NDUFA5: variants seen among roughly 807,000 people sequenced by gnomAD.
NDUFA5 encodes NADH dehydrogenase [ubiquinone] 1 alpha subcomplex subunit 5.
Under a neutral mutation model 19.8 loss-of-function variants are expected in NDUFA5, and 11 were observed. The observed-to-expected ratio is 0.56, with a 90% CI of 0.35 to 0.92. The LOEUF (loss-of-function observed/expected upper bound fraction) is 0.92. Ranked by LOEUF, NDUFA5 falls within the 40% of genes least tolerant of loss-of-function variation. The pLI is 0.01. For synonymous variants in NDUFA5, 47 were observed against 46.8 expected (o/e 1.00, Z -0.01); for missense variants, 109 against 134.2 (o/e 0.81, Z 0.93).
rs1269915299 is a variant in NDUFA5, at chr7:123,539,322, T to G, written c.*2797A>C. ...ATGATAAATTATCCTATAGTTATCC[T>G]AAATATAAGCCATTTTCATCCCAAA... On this transcript the variant is annotated 3_prime_UTR_variant, in exon 5 of 5. Coordinates refer to ENST00000355749, the MANE Select transcript of NDUFA5 (RefSeq NM_005000.5). The G allele has an allele frequency of 6.6e-6, 1 of 152,206 alleles. No individual in the cohort carries two copies. The highest frequency in any genetic ancestry group is 2.4e-5 in the African/African-American group (1 of 41,452). The allele number at this position is 152,206 out of a possible 1,614,324, so 9.4% of individuals were successfully genotyped here.
chr7:123,544,656 C>A (rs1525632), intron 4 of NDUFA5, among the ~76,000 whole-genome samples: 151,405 of 151,444 alleles, frequency 1, 75,683 homozygotes, highest in Middle Eastern at 1. Flanking sequence ...TATAAATAAC[C>A]CAGACTAAAT....
the NDUFA5 span, among the ~76,000 whole-genome samples, chr7:123,587,458 T>G: frequency 1.3e-5 from 2 of 148,226 alleles, no homozygotes; most frequent in Non-Finnish European, 3.0e-5. Flanking sequence ...GTCTTTGAGG[T>G]TTTTTTTTTA....
intron 2 of NDUFA5, chr7:123,556,554 G>A: frequency 5.3e-6 from 1 of 189,468 alleles, no homozygotes; most frequent in South Asian, 9.2e-5. Context: ...GAGACTGGGG[G>A]AGTCCTGAAG....
At chr7:123,567,006 T>C in the NDUFA5 span, 3 of 152,216 alleles carry the variant, frequency 2.0e-5, no homozygotes, top group Non-Finnish European at 4.4e-5. Flanking sequence ...TGTTGATTTG[T>C]TGTAACCCTG....
At chr7:123,551,148 A>G (rs1695224040) in intron 2 of NDUFA5, among the ~76,000 whole-genome samples, 1 of 151,694 alleles carries the variant, frequency 6.6e-6, no homozygotes. Context: ...AAACAAAACA[A>G]CTTATTGCTA....
At chr7:123,600,067 A>C in the NDUFA5 span, among the ~76,000 whole-genome samples, 5 of 152,196 alleles carry the variant, frequency 3.3e-5, no homozygotes, top group African/African-American at 1.2e-4. Flanking sequence ...TTGTGTGTGC[A>C]TAGATGACTA....
In NDUFA5 at chr7:123,538,980, A is replaced by G. The variant is rs898122794; in HGVS notation, c.*3139T>C. 3 of 152,258 alleles carry G rather than the reference A, an allele frequency of 2.0e-5. No homozygotes were observed. Among genetic ancestry groups the G allele is most frequent in the Non-Finnish European group, 2.9e-5 (2 of 68,052 alleles). The allele number at this position is 152,258 out of a possible 1,614,324, so 9.4% of individuals were successfully genotyped here. The stretch of plus-strand genomic sequence containing the variant: ...TCCTCTGAATGTGATTAGAAAATTG[A>G]CAATAAAATATAAGCTCTCTTTTCT... On this transcript the variant is annotated 3_prime_UTR_variant, in exon 5 of 5. Coordinates refer to ENST00000355749, the MANE Select transcript of NDUFA5 (RefSeq NM_005000.5).
chr7:123,573,252 C>T, the NDUFA5 span, among the ~76,000 whole-genome samples: 11 of 150,240 alleles, frequency 7.3e-5, no homozygotes, highest in African/African-American at 9.8e-5. Flanking sequence ...GCTTCCCCCC[C>T]GCCTCCCCAT....
At chr7:123,593,368 G>A in the NDUFA5 span, among the ~76,000 whole-genome samples, 7 of 152,006 alleles carry the variant, frequency 4.6e-5, no homozygotes, top group African/African-American at 1.2e-4. Context: ...TCACAGCCTC[G>A]ATGGTCTTTA....
chr7:123,553,788 G>A (rs1379839495), intron 2 of NDUFA5, among the ~76,000 whole-genome samples: 1 of 152,040 alleles, frequency 6.6e-6, no homozygotes, highest in Non-Finnish European at 1.5e-5. Flanking sequence ...GCCTCATAGG[G>A]TATATACAAC....
In NDUFA5 at chr7:123,557,161, T is replaced by C. The variant is rs146900834; in HGVS notation, c.66+243A>G. ...ACAGAAGCAAGCACAAGTGAAGCCA[T>C]GAAAATGTCAAGGAAAAAGTCAACA... On this transcript the variant is annotated intron_variant, in intron 2 of 4. Coordinates refer to ENST00000355749, the MANE Select transcript of NDUFA5 (RefSeq NM_005000.5). The C allele has an allele frequency of 1.0e-3, 713 of 686,512 alleles. 4 individuals carry two copies. The African/African-American group carries it at 0.011, about 11-fold the overall frequency. The allele number at this position is 686,512 out of a possible 1,614,324, so 42.5% of individuals were successfully genotyped here.
the NDUFA5 span, among the ~76,000 whole-genome samples, chr7:123,580,539 A>G: frequency 6.6e-6 from 1 of 152,058 alleles, no homozygotes; most frequent in African/African-American, 2.4e-5. Context: ...TATGACACCT[A>G]CTTTGCAAGA....
intron 3 of NDUFA5, chr7:123,546,824 A>T (rs528759100): frequency 3.4e-5 from 20 of 579,990 alleles, no homozygotes; most frequent in African/African-American, 1.7e-4. Flanking sequence ...TAGGCTGAAA[A>T]ATACCACAAA....
At chr7:123,581,298 G>T in the NDUFA5 span, among the ~76,000 whole-genome samples, 1 of 151,002 alleles carries the variant, frequency 6.6e-6, no homozygotes, top group Non-Finnish European at 1.5e-5. Flanking sequence ...AATTCAAAAC[G>T]AGTCTATCAT....
the NDUFA5 span, among the ~76,000 whole-genome samples, chr7:123,577,659 C>T: frequency 6.6e-6 from 1 of 152,072 alleles, no homozygotes; most frequent in Non-Finnish European, 1.5e-5. Flanking sequence ...ACATAGCAAA[C>T]ATGTTGAACA....
chr7:123,574,515 T>A, the NDUFA5 span, among the ~76,000 whole-genome samples: 1 of 152,170 alleles, frequency 6.6e-6, no homozygotes, highest in Non-Finnish European at 1.5e-5. Context: ...GATAGTGGGC[T>A]GTGAACCACA....
chr7:123,567,779 A>G, the NDUFA5 span, among the ~76,000 whole-genome samples: 1 of 152,184 alleles, frequency 6.6e-6, no homozygotes, highest in Non-Finnish European at 1.5e-5. Context: ...AAAATAACCC[A>G]GAATCAGAAA....
chr7:123,568,975 C>T, the NDUFA5 span, among the ~76,000 whole-genome samples: 1 of 152,114 alleles, frequency 6.6e-6, no homozygotes, highest in Non-Finnish European at 1.5e-5. Flanking sequence ...CAGAAGACAA[C>T]AGCTAAAATA....
chr7:123,542,025 G>C lies in NDUFA5; in HGVS notation c.*94C>G. ...ACATATTTTCTATATCACTTTTCTT[G>C]ATTACAAAATGTCAGTAATAAGAAC... On this transcript the variant is annotated 3_prime_UTR_variant, in exon 5 of 5. Coordinates refer to ENST00000355749, the MANE Select transcript of NDUFA5 (RefSeq NM_005000.5). 1 of 811,106 alleles carries C rather than the reference G, an allele frequency of 1.2e-6. No homozygotes were observed. The highest frequency in any genetic ancestry group is 2.2e-5 in the South Asian group (1 of 45,852). The allele number at this position is 811,106 out of a possible 1,614,324, so 50.2% of individuals were successfully genotyped here.
Sources: gnomAD v4.1 joint callset for allele counts (sites outside exome capture counted in the v4.1 genomes callset) on GRCh38, gnomAD v4.1.1 for gene constraint, MANE v1.5 for transcripts, NCBI Gene and HGNC (gene_info 2026-07-23, HGNC 2026-07-21) for gene names.